The following GPC5 variants were observed in gnomAD, a reference collection of about 807,000 sequenced individuals.
GPC5 encodes the protein glypican 5.
GPC5 carries 47 observed loss-of-function variants against 53.9 expected under a neutral mutation model. The ratio of observed to expected loss-of-function variants is 0.87; its 90% CI spans 0.69 to 1.11. The LOEUF (loss-of-function observed/expected upper bound fraction) is 1.11, where lower values mean the gene tolerates loss of function less well. Ranked by LOEUF, GPC5 falls within the 50% of genes most tolerant of loss-of-function variation. The pLI is 0.00. For synonymous variants in GPC5, 286 were observed against 263.3 expected, an observed-to-expected ratio of 1.09 and a Z score of -0.84; for missense variants, 748 against 713.1, an observed-to-expected ratio of 1.05 and a Z score of -0.56.
chr13:92,434,072 C>A (rs997385463), intron 7 of GPC5, among the ~76,000 whole-genome samples: 2 of 152,124 alleles, frequency 1.3e-5, no homozygotes, highest in African/African-American at 2.4e-5. Flanking sequence ...ATGCTGTAGT[C>A]CCAGGCCAAA....
At chr13:91,785,102 C>A (rs1174826119) in intron 5 of GPC5, among the ~76,000 whole-genome samples, 1 of 152,202 alleles carries the variant, frequency 6.6e-6, no homozygotes, top group Non-Finnish European at 1.5e-5. Flanking sequence ...GGTCATCCTG[C>A]CTCACCTCCA....
intron 2 of GPC5, among the ~76,000 whole-genome samples, chr13:91,618,654 AT>A (rs5805709): frequency 0.66 from 98,449 of 150,052 alleles, 34,600 homozygotes; most frequent in Non-Finnish European, 0.79. Flanking sequence ...AATAACACAT[AT>A]TTTTTTTTTT....
intron 7 of GPC5, among the ~76,000 whole-genome samples, chr13:92,438,272 G>T (rs905723561): frequency 2.0e-5 from 3 of 152,050 alleles, no homozygotes; most frequent in East Asian, 1.9e-4. Flanking sequence ...TGTTGGGTAA[G>T]TGTTCCCAAA....
intron 7 of GPC5, among the ~76,000 whole-genome samples, chr13:92,591,763 C>T (rs1185718765): frequency 1.3e-5 from 2 of 152,170 alleles, no homozygotes; most frequent in Non-Finnish European, 2.9e-5. Flanking sequence ...CCCAACCACC[C>T]TAGCCATTGG....
intron 2 of GPC5, among the ~76,000 whole-genome samples, chr13:91,529,927 A>C (rs1171894643): frequency 6.6e-6 from 1 of 152,082 alleles, no homozygotes; most frequent in African/African-American, 2.4e-5. Context: ...GGCCCTTCAG[A>C]ACTTGAAAGT....
chr13:91,646,325 AT>A (rs140778877), intron 2 of GPC5, among the ~76,000 whole-genome samples: 1 of 151,864 alleles, frequency 6.6e-6, no homozygotes, highest in Non-Finnish European at 1.5e-5. Flanking sequence ...GAAAATATAT[AT>A]TTTTTTAACA....
intron 7 of GPC5, among the ~76,000 whole-genome samples, chr13:92,242,170 T>C (rs1016535744): frequency 8.0e-5 from 12 of 150,698 alleles, no homozygotes; most frequent in African/African-American, 2.9e-4. Flanking sequence ...GAGGCGGAGG[T>C]TGCAATGAGC....
At position 91,913,894 on chromosome 13, in the gene GPC5, C is replaced by T. The variant is rs535893551; in HGVS notation, c.1401+5837C>T. Among the ~76,000 whole-genome samples the T allele has an allele frequency of 5.3e-5, 8 of 152,274 alleles. No individual in the cohort carries two copies. In the East Asian group the frequency reaches 1.5e-3, roughly 29 times the overall value. ...TTTCCTAAAGGGAGAACACTTATTCCTAAGAGTTAACATTAACTTTTTCAG... is the reference window on the plus strand; with the variant it reads ...TTTCCTAAAGGGAGAACACTTATTCTTAAGAGTTAACATTAACTTTTTCAG... On this transcript the variant is annotated intron_variant, in intron 6 of 7. Coordinates refer to ENST00000377067, the MANE Select transcript of GPC5 (RefSeq NM_004466.6).
intron 6 of GPC5, among the ~76,000 whole-genome samples, chr13:91,964,948 C>A (rs550657111): frequency 6.6e-6 from 1 of 152,108 alleles, no homozygotes; most frequent in Admixed American, 6.6e-5. Context: ...ATGGATGAAG[C>A]TGGAAACCAT....
At chr13:92,207,204 A>G (rs1250381178) in intron 7 of GPC5, among the ~76,000 whole-genome samples, 1 of 152,096 alleles carries the variant, frequency 6.6e-6, no homozygotes, top group Non-Finnish European at 1.5e-5. Flanking sequence ...TTTCCCATTC[A>G]TATAGGTAGA....
chr13:91,474,210 T>G (rs1276671002), intron 2 of GPC5, among the ~76,000 whole-genome samples: 1 of 152,194 alleles, frequency 6.6e-6, no homozygotes, highest in Non-Finnish European at 1.5e-5. Context: ...AAATCTATTT[T>G]ATTCTTGGCA....
rs537680377 is a variant in GPC5, at chr13:91,925,460, T to A, written c.1401+17403T>A. Among the ~76,000 whole-genome samples, 207 of 152,296 alleles carry A rather than the reference T, an allele frequency of 1.4e-3. 1 individual carries two copies. The highest frequency in any genetic ancestry group is 4.9e-3 in the African/African-American group (204 of 41,562). On this transcript the variant is annotated intron_variant, in intron 6 of 7. Transcript: ENST00000377067. Reference sequence around the variant, plus strand: ...CTTCCATTAATTCAGTGAACAAACATTGATTCCTTACCCACTAGGTGCTAG... The same window carrying A: ...CTTCCATTAATTCAGTGAACAAACAATGATTCCTTACCCACTAGGTGCTAG...
intron 2 of GPC5, among the ~76,000 whole-genome samples, chr13:91,473,451 T>G (rs920179385): frequency 2.6e-5 from 4 of 152,172 alleles, no homozygotes; most frequent in African/African-American, 9.7e-5. Context: ...ATAGAATGCT[T>G]CCTATGAGGG....
At chr13:92,020,702 A>G (rs1400478559) in intron 6 of GPC5, among the ~76,000 whole-genome samples, 1 of 115,726 alleles carries the variant, frequency 8.6e-6, no homozygotes, top group Non-Finnish European at 1.9e-5. Context: ...TTTTTTTACT[A>G]TTATGAACTT....
intron 2 of GPC5, among the ~76,000 whole-genome samples, chr13:91,545,685 G>T (rs1263343672): frequency 1.3e-5 from 2 of 151,964 alleles, no homozygotes; most frequent in African/African-American, 2.4e-5. Context: ...TATGCCTCTT[G>T]AATAGTAACT....
At chr13:92,512,221 T>C (rs74777159) in intron 7 of GPC5, among the ~76,000 whole-genome samples, 1 of 145,900 alleles carries the variant, frequency 6.9e-6, no homozygotes, top group Non-Finnish European at 1.5e-5. Context: ...TTTTTTTTTA[T>C]TTTGTAGATT....
At chr13:92,443,600 T>TA (rs1877668794) in intron 7 of GPC5, among the ~76,000 whole-genome samples, 1 of 152,082 alleles carries the variant, frequency 6.6e-6, no homozygotes, top group African/African-American at 2.4e-5. Context: ...AGATAAGGAA[T>TA]AAAAATAAAT....
At chr13:92,444,259 G>C (rs1877701976) in intron 7 of GPC5, among the ~76,000 whole-genome samples, 1 of 152,182 alleles carries the variant, frequency 6.6e-6, no homozygotes, top group Admixed American at 6.6e-5. Context: ...ATATGTTTTT[G>C]AGAGGGCACA....
intron 6 of GPC5, among the ~76,000 whole-genome samples, chr13:92,078,712 C>G (rs2041271799): frequency 6.6e-6 from 1 of 152,184 alleles, no homozygotes; most frequent in Non-Finnish European, 1.5e-5. Context: ...CTGCTTCTCT[C>G]CTTTAAGAAT....
Sources: allele counts gnomAD v4.1 joint callset (sites outside exome capture counted in the v4.1 genomes callset), GRCh38; gene constraint gnomAD v4.1.1; transcripts MANE v1.5; gene names NCBI Gene and HGNC (gene_info 2026-07-23, HGNC 2026-07-21).